The following EPHA4 variants were observed in gnomAD, a reference collection of about 807,000 sequenced individuals.
EPHA4 encodes EPH receptor A4, also known as ephrin type-A receptor 4.
Under a neutral mutation model 108.3 loss-of-function variants are expected in EPHA4, and 19 were observed. That is an observed-to-expected ratio of 0.18 (90% confidence interval 0.12 to 0.26). The LOEUF is 0.26. EPHA4 is among the 10% of genes least tolerant of loss of function. The pLI is 1.00. For missense variants in EPHA4, 917 were observed against 1,254.0 expected (o/e 0.73, Z 4.06); for synonymous variants, 449 against 455.5 (o/e 0.99, Z 0.18).
chr2:221,518,191 C>CT (rs926472000), intron 3 of EPHA4, among the ~76,000 whole-genome samples: 1 of 152,160 alleles, frequency 6.6e-6, no homozygotes, highest in African/African-American at 2.4e-5. Context: ...ACTGTTCATG[C>CT]TTCCCCCTCC....
chr2:221,426,625 A>G lies in EPHA4; in HGVS notation c.2691-6T>C. ...CCAACAAGGCAGTGTTAGGTCTAGA[A>G]AGAGAACAAGAAAATATAAGCAGAA... On this transcript the variant is annotated splice_polypyrimidine_tract_variant and splice_region_variant and intron_variant, in intron 15 of 17. Coordinates refer to ENST00000281821, the MANE Select transcript of EPHA4 (RefSeq NM_004438.5). 2 of 1,609,738 alleles carry G rather than the reference A, an allele frequency of 1.2e-6. No homozygotes were observed. The highest frequency in any genetic ancestry group is 8.5e-7 in the Non-Finnish European group (1 of 1,178,908).
At chr2:221,489,794 T>G (rs1692085418) in intron 4 of EPHA4, among the ~76,000 whole-genome samples, 1 of 152,042 alleles carries the variant, frequency 6.6e-6, no homozygotes, top group African/African-American at 2.4e-5. Flanking sequence ...AATGAACAAA[T>G]GAATGAATGA....
chr2:221,515,766 G>A (rs1248079697), intron 3 of EPHA4, among the ~76,000 whole-genome samples: 1 of 152,128 alleles, frequency 6.6e-6, no homozygotes, highest in Non-Finnish European at 1.5e-5. Context: ...TCAGTGAGCC[G>A]TGATTGTGCC....
chr2:221,553,132 C>T (rs1384852308), intron 3 of EPHA4, among the ~76,000 whole-genome samples: 6 of 152,148 alleles, frequency 3.9e-5, no homozygotes, highest in Non-Finnish European at 7.3e-5. Flanking sequence ...ATCAGTGAAA[C>T]ATACAGTAGG....
chr2:221,566,773 G>GAGA (rs535590485), intron 2 of EPHA4, among the ~76,000 whole-genome samples: 1 of 148,372 alleles, frequency 6.7e-6, no homozygotes, highest in African/African-American at 2.5e-5. Flanking sequence ...AGCAGCTCTG[G>GAGA]AGAAGAAGAA....
At chr2:221,474,781 G>A (rs1437269018) in intron 5 of EPHA4, among the ~76,000 whole-genome samples, 1 of 152,090 alleles carries the variant, frequency 6.6e-6, no homozygotes, top group Non-Finnish European at 1.5e-5. Context: ...AAATTTCTTA[G>A]GGGTAAGGAA....
chr2:221,495,001 C>CAAA (rs5838887), intron 4 of EPHA4, among the ~76,000 whole-genome samples: 21 of 85,462 alleles, frequency 2.5e-4, no homozygotes, highest in African/African-American at 3.6e-4. Flanking sequence ...GCAATGTTGC[C>CAAA]AAAAAAAAAA....
intron 5 of EPHA4, among the ~76,000 whole-genome samples, chr2:221,468,577 G>C (rs957786457): frequency 2.6e-5 from 4 of 152,166 alleles, no homozygotes; most frequent in African/African-American, 9.6e-5. Context: ...GACGTCCAAA[G>C]CATCTAGATC....
chr2:221,557,263 C>T (rs764085466), intron 3 of EPHA4, among the ~76,000 whole-genome samples: 45 of 152,126 alleles, frequency 3.0e-4, no homozygotes, highest in Non-Finnish European at 8.8e-5. Flanking sequence ...GTATTTGTCA[C>T]CATTGCCTCC....
At position 221,457,776 on chromosome 2, in the gene EPHA4, G is replaced by A. The variant is rs1045598368; in HGVS notation, c.1443+90C>T. The A allele has an allele frequency of 7.8e-6, 11 of 1,403,358 alleles. No individual in the cohort carries two copies. The African/African-American group carries it at 1.4e-4, about 18-fold the overall frequency. The allele number at this position is 1,403,358 out of a possible 1,614,324, so 86.9% of individuals were successfully genotyped here. A position where few individuals can be genotyped will look rare whatever the true frequency, so the allele number is the denominator to read the frequency against. ...AAGAAGGAAGAAAAGAAGAGAGGGA[G>A]GGAGGGAGGGAAGGAGAAAGGAAAG... is the stretch of plus-strand genomic sequence containing the variant. On this transcript the variant is annotated intron_variant, in intron 6 of 17. Coordinates refer to ENST00000281821, the MANE Select transcript of EPHA4 (RefSeq NM_004438.5).
intron 5 of EPHA4, among the ~76,000 whole-genome samples, chr2:221,480,075 T>A (rs1466680796): frequency 9.7e-6 from 1 of 102,690 alleles, no homozygotes; most frequent in Non-Finnish European, 1.9e-5. Flanking sequence ...CCCGGAAATG[T>A]TTTTGCATTT....
rs149653603 is a variant in EPHA4, at chr2:221,510,902, A to G, written c.824-9730T>C. Among the ~76,000 whole-genome samples the G allele has an allele frequency of 5.3e-5, 8 of 152,336 alleles. No homozygotes were observed. In the East Asian group the frequency reaches 1.5e-3, roughly 29 times the overall value. ...CTAAACTCTCTAATTTACTTCTCTG[A>G]AGAGTAACTTCCACTGTCATAAACT... On this transcript the variant is annotated intron_variant, in intron 3 of 17. Transcript: ENST00000281821.
intron 3 of EPHA4, chr2:221,502,487 G>A (rs1227991890): frequency 6.4e-6 from 3 of 470,214 alleles, no homozygotes; most frequent in African/African-American, 6.0e-5. Flanking sequence ...CAGCCTGGCA[G>A]CCAAAACGGA....
chr2:221,507,697 G>A (rs147056335), intron 3 of EPHA4, among the ~76,000 whole-genome samples: 9 of 152,184 alleles, frequency 5.9e-5, no homozygotes, highest in African/African-American at 1.9e-4. Context: ...TCAATCCCAA[G>A]ACTGAGATAA....
rs184258827 is a variant in EPHA4, at chr2:221,533,420, G to A, written c.823+30311C>T. On this transcript the variant is annotated intron_variant, in intron 3 of 17. Transcript: ENST00000281821. The stretch of plus-strand genomic sequence containing the variant: ...CCTGCCCCCGTATGTATCAATAAAG[G>A]ATGCAGATGCGCTATTCACTGAGAT... Among the ~76,000 whole-genome samples, 271 of 152,144 alleles carry A rather than the reference G, an allele frequency of 1.8e-3. 1 individual carries two copies. The highest frequency in any genetic ancestry group is 6.4e-3 in the African/African-American group (267 of 41,514).
chr2:221,469,150 T>A (rs1053994745), intron 5 of EPHA4, among the ~76,000 whole-genome samples: 2 of 152,242 alleles, frequency 1.3e-5, no homozygotes, highest in Non-Finnish European at 2.9e-5. Context: ...ATGTGTTGGA[T>A]GAATCCTTCT....
chr2:221,545,222 CGGATCACGAGGTCG>C (rs1693956426), intron 3 of EPHA4, among the ~76,000 whole-genome samples: 1 of 22,794 alleles, frequency 4.4e-5, no homozygotes, highest in Non-Finnish European at 8.6e-5. Context: ...CCGAGGTGGG[CGGATCACGAGGTCG>C]AGGTGGGCGG....
chr2:221,553,569 C>A lies in EPHA4; in HGVS notation c.823+10162G>T, dbSNP rs185611916. 7.9e-5 allele frequency among the ~76,000 whole-genome samples: 12 copies of A among 152,290 alleles called. No homozygotes were observed. The East Asian group carries it at 1.5e-3, about 20-fold the overall frequency. ...AATCTGGAGCCCTGGGAGAACATAG[C>A]CAAATGTCAAACAGCAGGGAAGCGA... On this transcript the variant is annotated intron_variant, in intron 3 of 17. Transcript: ENST00000281821.
At position 221,465,773 on chromosome 2, in the gene EPHA4, C is replaced by T. The variant is rs560433739; in HGVS notation, c.1319-7783G>A. 3.3e-5 allele frequency among the ~76,000 whole-genome samples: 5 copies of T among 152,288 alleles called. No homozygotes were observed. The South Asian group carries it at 1.0e-3, about 32-fold the overall frequency. On this transcript the variant is annotated intron_variant, in intron 5 of 17. Coordinates refer to ENST00000281821, the MANE Select transcript of EPHA4 (RefSeq NM_004438.5). Reference sequence around the variant, plus strand: ...CACACCCAACAACCCCCATCACCACCAACTGGATGCGATTTCAGCAAGAAA... The same window carrying T: ...CACACCCAACAACCCCCATCACCACTAACTGGATGCGATTTCAGCAAGAAA...
Sources: gnomAD v4.1 joint callset for allele counts (sites outside exome capture counted in the v4.1 genomes callset) on GRCh38, gnomAD v4.1.1 for gene constraint, MANE v1.5 for transcripts, NCBI Gene and HGNC (gene_info 2026-07-23, HGNC 2026-07-21) for gene names.